The following TMEM74 variants were observed in gnomAD, a reference collection of about 807,000 sequenced individuals.
TMEM74 encodes transmembrane protein 74.
TMEM74 carries 13 observed loss-of-function variants against 18.1 expected under a neutral mutation model. The ratio of observed to expected loss-of-function variants is 0.72; its 90% CI spans 0.47 to 1.14. TMEM74 has a LOEUF of 1.14. Ranked by LOEUF, TMEM74 falls within the 50% of genes most tolerant of loss-of-function variation. The pLI, the probability that TMEM74 is intolerant of heterozygous loss-of-function variation, is 0.00. For synonymous variants in TMEM74, 159 were observed against 146.6 expected, an observed-to-expected ratio of 1.08 and a Z score of -0.61; for missense variants, 372 against 375.9, an observed-to-expected ratio of 0.99 and a Z score of 0.09.
intron 1 of TMEM74, among the ~76,000 whole-genome samples, chr8:108,763,935 A>C (rs1352650504): frequency 6.6e-6 from 1 of 152,194 alleles, no homozygotes; most frequent in Admixed American, 6.5e-5. Context: ...ATTTTGGAAA[A>C]GAAAGTAAAA....
chr8:108,647,279 C>T (rs1288910371), intron 2 of TMEM74, among the ~76,000 whole-genome samples: 1 of 152,110 alleles, frequency 6.6e-6, no homozygotes, highest in African/African-American at 2.4e-5. Context: ...TATCCCTGAG[C>T]TCCTAATTTT....
intron 1 of TMEM74, among the ~76,000 whole-genome samples, chr8:108,753,082 A>G (rs930043024): frequency 5.9e-5 from 9 of 152,088 alleles, no homozygotes; most frequent in African/African-American, 2.2e-4. Flanking sequence ...TCATTTCTGA[A>G]ACAATCTTTT....
rs766823704 is a variant in TMEM74, at chr8:108,684,274, T to C, written n.120-28837A>G. 6.6e-4 allele frequency among the ~76,000 whole-genome samples: 101 copies of C among 152,156 alleles called. 1 individual carries two copies. Among genetic ancestry groups the C allele is most frequent in the Admixed American group, 1.6e-3 (24 of 15,270 alleles). On this transcript the variant is annotated intron_variant and non_coding_transcript_variant, in intron 1 of 3. Coordinates refer to the TMEM74 transcript ENST00000518838. ...ATCCTTGCCAGCATTTGATATTTTT[T>C]GTTTTTCTGATAATAGCCATCCTAA... is the stretch of plus-strand genomic sequence containing the variant.
chr8:108,759,978 G>C (rs964601255), intron 1 of TMEM74, among the ~76,000 whole-genome samples: 2 of 152,060 alleles, frequency 1.3e-5, no homozygotes, highest in Admixed American at 1.3e-4. Context: ...TTGAAGACCA[G>C]CCTGGCCAAC....
At chr8:108,748,103 G>A (rs1447294148) in intron 1 of TMEM74, among the ~76,000 whole-genome samples, 1 of 152,026 alleles carries the variant, frequency 6.6e-6, no homozygotes, top group African/African-American at 2.4e-5. Context: ...TGGGTTGAAT[G>A]GTATTTCTGC....
rs1814333885 is a variant in TMEM74, at chr8:108,783,488, A to T, written c.*693T>A. 1 of 152,264 alleles carries T rather than the reference A, an allele frequency of 6.6e-6. No homozygotes were observed. Among genetic ancestry groups the T allele is most frequent in the South Asian group, 2.1e-4 (1 of 4,836 alleles). 9.4% of individuals were successfully genotyped at this position (152,264 alleles called of 1,614,324 possible). On this transcript the variant is annotated 3_prime_UTR_variant, in exon 2 of 2. Transcript: ENST00000297459. ...AAAAAAGAGCCTGTGACCCTGGCTA[A>T]TATCTGGCACCAACACTGTGGTTTA...
intron 1 of TMEM74, among the ~76,000 whole-genome samples, chr8:108,687,065 A>C (rs1012436081): frequency 6.6e-6 from 1 of 152,150 alleles, no homozygotes; most frequent in African/African-American, 2.4e-5. Context: ...TTGAATTTTA[A>C]AATAATGGGA....
chr8:108,701,056 T>A (rs911740694), intron 1 of TMEM74, among the ~76,000 whole-genome samples: 2 of 152,166 alleles, frequency 1.3e-5, no homozygotes, highest in African/African-American at 4.8e-5. Context: ...CAAGTGGGAT[T>A]TATTCCAGAT....
At chr8:108,708,834 C>CAAAAAAAAAA (rs1813445455) in intron 1 of TMEM74, among the ~76,000 whole-genome samples, 7 of 63,674 alleles carry the variant, frequency 1.1e-4, no homozygotes, top group Non-Finnish European at 2.0e-4. Context: ...AAAAAAAAAC[C>CAAAAAAAAAA]AACCCAAATA....
At chr8:108,735,366 C>T (rs1270563909) in intron 1 of TMEM74, among the ~76,000 whole-genome samples, 1 of 152,164 alleles carries the variant, frequency 6.6e-6, no homozygotes, top group Non-Finnish European at 1.5e-5. Context: ...TCTATCCCCC[C>T]ATTTCCCCAC....
intron 1 of TMEM74, among the ~76,000 whole-genome samples, 196 bp downstream of exon 1, chr8:108,787,280 A>G (rs1292684520): frequency 1.3e-5 from 2 of 152,188 alleles, no homozygotes; most frequent in East Asian, 3.9e-4. Context: ...CGGTGCCCCC[A>G]GCAGGCGCCG....
At chr8:108,648,493 A>T (rs1254597973) in intron 2 of TMEM74, among the ~76,000 whole-genome samples, 1 of 152,162 alleles carries the variant, frequency 6.6e-6, no homozygotes, top group Non-Finnish European at 1.5e-5. Flanking sequence ...ATGTTATTTT[A>T]CATGGCAAAA....
chr8:108,651,847 A>G (rs1812777538), intron 2 of TMEM74, among the ~76,000 whole-genome samples: 1 of 151,808 alleles, frequency 6.6e-6, no homozygotes, highest in Non-Finnish European at 1.5e-5. Flanking sequence ...TCCTCTCCCC[A>G]TTGTTATACA....
chr8:108,766,007 C>T (rs1273810947), intron 1 of TMEM74, among the ~76,000 whole-genome samples: 1 of 152,050 alleles, frequency 6.6e-6, no homozygotes, highest in Non-Finnish European at 1.5e-5. Context: ...AGATTATTTT[C>T]AGTAGCATTA....
intron 1 of TMEM74, among the ~76,000 whole-genome samples, chr8:108,685,542 CTT>C: frequency 6.6e-6 from 1 of 152,048 alleles, no homozygotes; most frequent in Middle Eastern, 3.2e-3. Context: ...AAAGGAAAAA[CTT>C]AGCAAATAGC....
chr8:108,736,773 A>C (rs755259993), intron 1 of TMEM74, among the ~76,000 whole-genome samples: 1 of 152,116 alleles, frequency 6.6e-6, no homozygotes, highest in Non-Finnish European at 1.5e-5. Flanking sequence ...CCATATACAC[A>C]GTTTGTTGTG....
At chr8:108,720,739 T>C (rs1465469766) in intron 1 of TMEM74, among the ~76,000 whole-genome samples, 1 of 101,850 alleles carries the variant, frequency 9.8e-6, no homozygotes, top group Non-Finnish European at 2.2e-5. Flanking sequence ...TATTTATTTA[T>C]TTATTTATTT....
downstream of TMEM74, among the ~76,000 whole-genome samples, chr8:108,778,879 C>T (rs143027229): frequency 9.3e-3 from 1,411 of 152,038 alleles, 22 homozygotes; most frequent in African/African-American, 0.033. Context: ...TAGAGAAACC[C>T]AAATAACTTG....
chr8:108,774,756 ATTTTTTTTT>A (rs71305916), downstream of TMEM74, among the ~76,000 whole-genome samples: 1 of 121,224 alleles, frequency 8.2e-6, no homozygotes, highest in African/African-American at 3.2e-5. Flanking sequence ...CCTTCCTTTA[ATTTTTTTTT>A]TTTTTTTTTT....
Sources: gnomAD v4.1 joint callset for allele counts (sites outside exome capture counted in the v4.1 genomes callset) on GRCh38, gnomAD v4.1.1 for gene constraint, MANE v1.5 for transcripts, NCBI Gene and HGNC (gene_info 2026-07-23, HGNC 2026-07-21) for gene names.